Variants in IQGAP2 observed in about 807,000 individuals in gnomAD.
IQGAP2 encodes ras GTPase-activating-like protein IQGAP2.
Under a neutral mutation model 201.3 loss-of-function variants are expected in IQGAP2, and 173 were observed. That is an observed-to-expected ratio of 0.86 (90% CI 0.76 to 0.98). IQGAP2 has a LOEUF of 0.98. Ranked by LOEUF, IQGAP2 falls within the 50% of genes least tolerant of loss-of-function variation. IQGAP2 has a pLI of 0.00. For missense variants in IQGAP2, 1,687 were observed against 1,864.8 expected (o/e 0.90, Z 1.76); for synonymous variants, 675 against 673.9 (o/e 1.00, Z -0.03).
intron 2 of IQGAP2, among the ~76,000 whole-genome samples, chr5:76,490,186 G>C (rs536500906): frequency 6.6e-6 from 1 of 152,302 alleles, no homozygotes; most frequent in East Asian, 1.9e-4. Flanking sequence ...GCATTGAAGA[G>C]AAAATCTTTC....
chr5:76,570,454 C>T (rs1358978140), intron 3 of IQGAP2, 126 bp from the exon 4 acceptor site: 1 of 690,490 alleles, frequency 1.4e-6, no homozygotes, highest in Non-Finnish European at 2.6e-6. Context: ...TTTATGTGAA[C>T]ATTAATAACT....
chr5:76,490,376 A>C (rs1416183799), intron 2 of IQGAP2, among the ~76,000 whole-genome samples: 1 of 152,156 alleles, frequency 6.6e-6, no homozygotes, highest in Non-Finnish European at 1.5e-5. Flanking sequence ...TTAATTTCTG[A>C]GTTAATAAAC....
At chr5:76,453,037 T>C (rs1172219530) in intron 1 of IQGAP2, among the ~76,000 whole-genome samples, 1 of 150,586 alleles carries the variant, frequency 6.6e-6, no homozygotes, top group East Asian at 2.0e-4. Flanking sequence ...TGCCTCAGCC[T>C]CCTGAGTAGC....
chr5:76,640,999 C>T lies in IQGAP2; in HGVS notation c.1990C>T (p.Leu664Phe), dbSNP rs769912642. 5 of 1,610,302 alleles carry T rather than the reference C, an allele frequency of 3.1e-6. No individual in the cohort carries two copies. The African/African-American group carries it at 5.3e-5, about 17-fold the overall frequency. The change falls in exon 17 of 36, where the codon CTT (leucine) becomes TTT (phenylalanine). Residue 664 changes from leucine (L) to phenylalanine (F), a missense_variant. Transcript: ENST00000274364. Reference sequence around the variant, plus strand: ...TATATGGTCTGCTTCAGAAGAGTTGCTTCTTCGCTTTCAAGCCACAAGCTC... The same window carrying T: ...TATATGGTCTGCTTCAGAAGAGTTGTTTCTTCGCTTTCAAGCCACAAGCTC... ...ENIWSASEEL[L>F]LRFQATSSGP...
At chr5:76,493,381 C>G (rs1165651825) in intron 2 of IQGAP2, among the ~76,000 whole-genome samples, 1 of 152,020 alleles carries the variant, frequency 6.6e-6, no homozygotes, top group Non-Finnish European at 1.5e-5. Flanking sequence ...CCCAAGGCCC[C>G]TCCTTCCCTG....
chr5:76,509,029 A>ATGTGTGTG (rs70982616), intron 2 of IQGAP2, among the ~76,000 whole-genome samples: 6 of 148,852 alleles, frequency 4.0e-5, no homozygotes, highest in East Asian at 2.0e-4. Flanking sequence ...CTGTATATAT[A>ATGTGTGTG]TGTGTGTGTG....
intron 2 of IQGAP2, among the ~76,000 whole-genome samples, chr5:76,496,394 T>C (rs190988863): frequency 1.3e-3 from 191 of 152,246 alleles, no homozygotes; most frequent in Middle Eastern, 3.4e-3. Flanking sequence ...GAAGGATTCA[T>C]AGGAGCTTGC....
At chr5:76,507,749 C>T (rs761760962) in intron 2 of IQGAP2, among the ~76,000 whole-genome samples, 6 of 152,186 alleles carry the variant, frequency 3.9e-5, no homozygotes, top group Non-Finnish European at 7.3e-5. Context: ...CGGTGGCTCA[C>T]GCCTGTAATT....
At chr5:76,453,607 GACTTGCT>G (rs1488868063) in intron 1 of IQGAP2, among the ~76,000 whole-genome samples, 1 of 152,172 alleles carries the variant, frequency 6.6e-6, no homozygotes, top group Admixed American at 6.5e-5. Flanking sequence ...TGTTAGCAGT[GACTTGCT>G]ACTCCTTGGG....
intron 2 of IQGAP2, among the ~76,000 whole-genome samples, chr5:76,530,371 A>G (rs973424557): frequency 1.3e-5 from 2 of 152,240 alleles, no homozygotes; most frequent in African/African-American, 2.4e-5. Context: ...TATGTTTGCA[A>G]TAGTGTGAAA....
intron 13 of IQGAP2, among the ~76,000 whole-genome samples, chr5:76,614,605 C>CTTT (rs10603126): frequency 0.03 from 1,767 of 59,608 alleles, 453 homozygotes; most frequent in Non-Finnish European, 0.039. Flanking sequence ...TTCCCCTCTG[C>CTTT]TTTTTTTTTT....
intron 2 of IQGAP2, among the ~76,000 whole-genome samples, chr5:76,559,218 C>T (rs1483109048): frequency 6.6e-6 from 1 of 152,076 alleles, no homozygotes; most frequent in African/African-American, 2.4e-5. Context: ...TTTCAACTCC[C>T]TTTTCTGAGC....
At chr5:76,594,172 T>C (rs1746852862) in intron 9 of IQGAP2, among the ~76,000 whole-genome samples, 1 of 152,222 alleles carries the variant, frequency 6.6e-6, no homozygotes, top group African/African-American at 2.4e-5. Context: ...GTTTGTCTTT[T>C]TGCTCTATGC....
At chr5:76,682,468 A>T (rs1320682748) in intron 28 of IQGAP2, among the ~76,000 whole-genome samples, 5 of 138,446 alleles carry the variant, frequency 3.6e-5, no homozygotes, top group African/African-American at 1.4e-4. Context: ...GTTTAAATTA[A>T]AAAAAAAAAA....
intron 33 of IQGAP2, among the ~76,000 whole-genome samples, chr5:76,698,541 T>C (rs766216001): frequency 6.6e-6 from 1 of 152,366 alleles, no homozygotes; most frequent in East Asian, 1.9e-4. Context: ...TGTTTGCTAA[T>C]TGCACAGAGC....
At chr5:76,451,715 T>TA (rs1393902276) in intron 1 of IQGAP2, among the ~76,000 whole-genome samples, 1 of 152,154 alleles carries the variant, frequency 6.6e-6, no homozygotes, top group African/African-American at 2.4e-5. Flanking sequence ...TCATTATTAT[T>TA]ATTTTTTTTT....
At chr5:76,452,553 C>G (rs1429566115) in intron 1 of IQGAP2, among the ~76,000 whole-genome samples, 1 of 152,054 alleles carries the variant, frequency 6.6e-6, no homozygotes, top group East Asian at 1.9e-4. Context: ...TATAATTTTA[C>G]TTTTTATACT....
rs371330018 is a variant in IQGAP2, at chr5:76,702,541, G to T, written c.4565G>T (p.Arg1522Ile). 6.2e-7 allele frequency: 1 copy of T among 1,602,176 alleles called. No homozygotes were observed. The highest frequency in any genetic ancestry group is 8.6e-7 in the Non-Finnish European group (1 of 1,169,182). ...GAAGATGTAGGCATTTTCGATGTAA[G>T]ATCAAAATTCCTTGGTGTTGAGATG... is the stretch of plus-strand genomic sequence containing the variant. ...ATEDVGIFDVRSKFLGVEMEK... is the reference protein window; with the variant it reads ...ATEDVGIFDVISKFLGVEMEK... Residue 1522 changes from arginine to isoleucine, a missense_variant, in exon 35 of 36, where the codon AGA (arginine) becomes ATA (isoleucine). Transcript: ENST00000274364.
intron 14 of IQGAP2, 137 bp from the exon 15 acceptor site, chr5:76,631,722 G>A (rs908853887): frequency 5.4e-6 from 3 of 556,818 alleles, no homozygotes; most frequent in South Asian, 3.2e-5. Flanking sequence ...ATTGTCTTGG[G>A]CATATGTGGT....
Sources: allele counts gnomAD v4.1 joint callset (sites outside exome capture counted in the v4.1 genomes callset), GRCh38; gene constraint gnomAD v4.1.1; transcripts MANE v1.5; gene names NCBI Gene and HGNC (gene_info 2026-07-23, HGNC 2026-07-21).